The following TBXAS1 variants were observed in gnomAD, a reference collection of about 807,000 sequenced individuals.
The protein encoded by TBXAS1 is thromboxane-A synthase.
Under a neutral mutation model 60.7 loss-of-function variants are expected in TBXAS1, and 48 were observed. The observed-to-expected ratio is 0.79, with a 90% CI of 0.63 to 1.01. TBXAS1 has a LOEUF of 1.01. Among genes scored for constraint, TBXAS1 ranks in the 50% least tolerant of loss-of-function variants. The pLI, the probability that TBXAS1 is intolerant of heterozygous loss-of-function variation, is 0.00. For synonymous variants in TBXAS1, 287 were observed against 269.7 expected, an observed-to-expected ratio of 1.06 and a Z score of -0.63; for missense variants, 685 against 686.3, an observed-to-expected ratio of 1.00 and a Z score of 0.02.
chr7:139,919,109 T>C (rs1210157245), intron 4 of TBXAS1, among the ~76,000 whole-genome samples: 1 of 152,170 alleles, frequency 6.6e-6, no homozygotes, highest in East Asian at 1.9e-4. Context: ...GACAATGGCC[T>C]CAAGTATAGA....
chr7:139,905,011 C>CTTTCTTTCTTTCT (rs1569511392), intron 3 of TBXAS1, among the ~76,000 whole-genome samples: 3 of 65,996 alleles, frequency 4.5e-5, no homozygotes, highest in African/African-American at 2.3e-4. Flanking sequence ...TTCTCTCTTT[C>CTTTCTTTCTTTCT]TTTCTTTCTT....
intron 3 of TBXAS1, among the ~76,000 whole-genome samples, chr7:139,885,950 A>G (rs1803064318): frequency 6.6e-6 from 1 of 152,238 alleles, no homozygotes; most frequent in Non-Finnish European, 1.5e-5. Flanking sequence ...TGAATGTTTG[A>G]CGTTAGCCTT....
chr7:139,888,671 A>C (rs1803305966), intron 3 of TBXAS1, among the ~76,000 whole-genome samples: 1 of 152,180 alleles, frequency 6.6e-6, no homozygotes, highest in Non-Finnish European at 1.5e-5. Context: ...GAGAGGTGGC[A>C]GGTGGCCTGT....
chr7:139,927,221 C>T (rs1324728271), intron 4 of TBXAS1, among the ~76,000 whole-genome samples: 1 of 151,108 alleles, frequency 6.6e-6, no homozygotes, highest in East Asian at 1.9e-4. Flanking sequence ...TGGTCTCAAA[C>T]TCCTGGCCTC....
intron 4 of TBXAS1, among the ~76,000 whole-genome samples, chr7:139,795,864 C>G (rs554607587): frequency 1.3e-5 from 2 of 152,246 alleles, no homozygotes; most frequent in African/African-American, 4.8e-5. Flanking sequence ...TCAGGCCAAG[C>G]CCTACCTCCT....
chr7:139,844,981 C>CT (rs57480079), intron 1 of TBXAS1, among the ~76,000 whole-genome samples: 5,117 of 152,232 alleles, frequency 0.034, 274 homozygotes, highest in African/African-American at 0.12. Context: ...CATTTTCCCC[C>CT]AGCCCCCCAG....
chr7:139,828,992 T>C (rs1026323571), upstream of TBXAS1, among the ~76,000 whole-genome samples: 6 of 152,214 alleles, frequency 3.9e-5, no homozygotes, highest in Non-Finnish European at 8.8e-5. Flanking sequence ...GACATAGAGA[T>C]AGATATAGAT....
At chr7:139,834,377 G>A (rs571651939) in intron 1 of TBXAS1, among the ~76,000 whole-genome samples, 6 of 152,024 alleles carry the variant, frequency 3.9e-5, no homozygotes, top group South Asian at 2.1e-4. Context: ...GAGCACAAAC[G>A]GACAATCTAA....
chr7:139,989,077 C>T (rs1034881538), intron 9 of TBXAS1, among the ~76,000 whole-genome samples: 2 of 152,214 alleles, frequency 1.3e-5, no homozygotes, highest in African/African-American at 2.4e-5. Context: ...AAGATCCTCC[C>T]GGTGTTCTTC....
intron 4 of TBXAS1, among the ~76,000 whole-genome samples, chr7:139,924,442 G>C (rs957019891): frequency 6.6e-6 from 1 of 151,444 alleles, no homozygotes; most frequent in Non-Finnish European, 1.5e-5. Context: ...TTTGCCATTT[G>C]TATGTCTTTT....
At chr7:139,970,052 A>G (rs1029046526) in intron 9 of TBXAS1, among the ~76,000 whole-genome samples, 18 of 152,210 alleles carry the variant, frequency 1.2e-4, no homozygotes, top group African/African-American at 4.3e-4. Flanking sequence ...CTAAATCTGC[A>G]GATTTTGATT....
chr7:139,888,747 G>A (rs1181571574), intron 3 of TBXAS1, among the ~76,000 whole-genome samples: 1 of 152,166 alleles, frequency 6.6e-6, no homozygotes, highest in Non-Finnish European at 1.5e-5. Flanking sequence ...GAGATAGAAA[G>A]AAGAAGAGTA....
rs1805971754 is a variant in TBXAS1, at chr7:139,916,386, G to A, written c.333+5065G>A. On this transcript the variant is annotated intron_variant, in intron 4 of 12. Transcript: ENST00000448866. The surrounding 1 kb of genome is among the most constrained non-coding windows in gnomAD (Gnocchi z 4.2). ...CTTTGGAGATGTGGGTTCTGGTCTGGAGTGGCAGTATGGAGTGCCATCTCT... is the reference window on the plus strand; with the variant it reads ...CTTTGGAGATGTGGGTTCTGGTCTGAAGTGGCAGTATGGAGTGCCATCTCT... Among the ~76,000 whole-genome samples the A allele has an allele frequency of 1.3e-5, 2 of 152,136 alleles. No individual in the cohort carries two copies. The highest frequency in any genetic ancestry group is 2.9e-5 in the Non-Finnish European group (2 of 68,026).
intron 4 of TBXAS1, among the ~76,000 whole-genome samples, chr7:139,924,494 A>G (rs1448792686): frequency 6.6e-5 from 10 of 151,212 alleles, no homozygotes. Flanking sequence ...TGTTTTTTTA[A>G]TAGGATTATT....
intron 1 of TBXAS1, among the ~76,000 whole-genome samples, chr7:139,865,585 A>G (rs1318310492): frequency 7.8e-5 from 4 of 51,168 alleles, no homozygotes; most frequent in African/African-American, 3.3e-4. Context: ...GAGGAAGAAG[A>G]AGGAGGAGGA....
intron 9 of TBXAS1, among the ~76,000 whole-genome samples, chr7:139,977,562 G>T (rs1378273438): frequency 6.6e-6 from 1 of 152,076 alleles, no homozygotes; most frequent in South Asian, 2.1e-4. Context: ...TACAGACAAG[G>T]CACGTGAAGC....
intron 8 of TBXAS1, among the ~76,000 whole-genome samples, chr7:139,959,419 C>G (rs148880469): frequency 1.2e-3 from 190 of 152,258 alleles, no homozygotes; most frequent in African/African-American, 4.1e-3. Context: ...TATCAGGGTG[C>G]GTATTTTCCT....
chr7:139,966,002 A>G (rs1810762260), intron 9 of TBXAS1, among the ~76,000 whole-genome samples: 1 of 151,996 alleles, frequency 6.6e-6, no homozygotes, highest in Non-Finnish European at 1.5e-5. Flanking sequence ...TATTCCTGAA[A>G]ATTTGCATGT....
At chr7:139,968,340 G>C (rs1258496067) in intron 9 of TBXAS1, among the ~76,000 whole-genome samples, 1 of 152,150 alleles carries the variant, frequency 6.6e-6, no homozygotes, top group East Asian at 1.9e-4. Context: ...TGTCGCCCAG[G>C]CTGGTGTGCA....
Sources: gnomAD v4.1 joint callset for allele counts (sites outside exome capture counted in the v4.1 genomes callset) on GRCh38, gnomAD v4.1.1 for gene constraint, Gnocchi (gnomAD v3.1) non-coding constraint, MANE v1.5 for transcripts, NCBI Gene and HGNC (gene_info 2026-07-23, HGNC 2026-07-21) for gene names.